The following DAGLA variants were observed in gnomAD, a reference collection of about 807,000 sequenced individuals.
DAGLA encodes diacylglycerol lipase alpha, also known as diacylglycerol lipase-alpha.
In DAGLA, 22 loss-of-function variants were observed where a neutral mutation model predicts 102.6. The ratio of observed to expected loss-of-function variants is 0.21; its 90% CI spans 0.15 to 0.31. The LOEUF (loss-of-function observed/expected upper bound fraction) is 0.31, where lower values mean the gene tolerates loss of function less well. Among genes scored for constraint, DAGLA ranks in the 10% least tolerant of loss-of-function variants. The pLI is 1.00. For synonymous variants in DAGLA, 578 were observed against 628.9 expected (o/e 0.92, Z 1.21); for missense variants, 927 against 1,446.6 (o/e 0.64, Z 5.83).
chr11:61,740,634 C>A (rs1237944966), intron 18 of DAGLA, 42 bp downstream of exon 18: 3 of 1,603,812 alleles, frequency 1.9e-6, no homozygotes, highest in Non-Finnish European at 2.6e-6. Flanking sequence ...GAATAAGGCA[C>A]TGTCACCCCA....
intron 4 of DAGLA, 87 bp downstream of exon 4, chr11:61,723,047 T>C (rs2065297565): frequency 2.7e-6 from 3 of 1,131,444 alleles, no homozygotes; most frequent in Non-Finnish European, 4.0e-6. Context: ...AGCTTGGGCA[T>C]TGCCAGAGGG....
intron 1 of DAGLA, among the ~76,000 whole-genome samples, chr11:61,693,344 CT>C (rs1565246895): frequency 6.7e-6 from 1 of 149,218 alleles, no homozygotes; most frequent in Non-Finnish European, 1.5e-5. Flanking sequence ...AAGTCTTTTT[CT>C]TTTTCTTTCT....
At position 61,743,816 on chromosome 11, in the gene DAGLA, A is replaced by G. The variant is rs755165892; in HGVS notation, c.2456A>G (p.His819Arg). ...GCTGTGCTGGAGCGTGATGAAGGCC[A>G]CCTCTTCTACATTGACCCTGCCATC... ...LHAVLERDEG[H>R]LFYIDPAIPE... The change falls in exon 20 of 20, where the codon CAC becomes CGC. Residue 819 changes from histidine (H) to arginine (R), a missense_variant. By Grantham distance (29) the His-to-Arg change is conservative (BLOSUM62 0). Coordinates refer to ENST00000257215, the MANE Select transcript of DAGLA (RefSeq NM_006133.3). The G allele has an allele frequency of 5.0e-6, 8 of 1,612,268 alleles. No individual in the cohort carries two copies. In the African/African-American group the frequency reaches 1.1e-4, roughly 22 times the overall value.
rs1418608982 is a variant in DAGLA at position 61,737,324 on chromosome 11, G to A, written c.1514G>A (p.Ser505Asn). 3.1e-6 allele frequency: 5 copies of A among 1,610,302 alleles called. No individual in the cohort carries two copies. Among genetic ancestry groups the A allele is most frequent in the Non-Finnish European group, 4.2e-6 (5 of 1,180,014 alleles). ...TACTCCCCGCCAGGGGGCCTGCTGA[G>A]GTGAGCCATCTGGGGCTTCAGAGTT... ...FAYSPPGGLL[S>N]EDAMEYSKEF... The change falls in exon 14 of 20, where the codon AGT becomes AAT. Residue 505 changes from serine to asparagine, a missense_variant and splice_region_variant. Coordinates refer to ENST00000257215, the MANE Select transcript of DAGLA (RefSeq NM_006133.3).
rs183928750 is a variant in DAGLA at position 61,722,416 on chromosome 11, T to C, written c.308-443T>C. On this transcript the variant is annotated intron_variant, in intron 3 of 19. Coordinates refer to ENST00000257215, the MANE Select transcript of DAGLA (RefSeq NM_006133.3). ...GCCTGGCCAACATGACGAAACCCCG[T>C]CTCTACTAAAAATACAAAAATTAGC... is the stretch of plus-strand genomic sequence containing the variant. Among the ~76,000 whole-genome samples the C allele has an allele frequency of 8.0e-3, 1,219 of 152,232 alleles. 21 individuals carry two copies. Among genetic ancestry groups the C allele is most frequent in the African/African-American group, 0.027 (1,136 of 41,538 alleles).
Position 61,744,492 on chromosome 11 carries a change from C to A in DAGLA, c.*3C>A. The A allele has an allele frequency of 6.5e-7, 1 of 1,538,594 alleles. No homozygotes were observed. Among genetic ancestry groups the A allele is most frequent in the Non-Finnish European group, 8.8e-7 (1 of 1,140,830 alleles). On this transcript the variant is annotated 3_prime_UTR_variant, in exon 20 of 20. Coordinates refer to ENST00000257215, the MANE Select transcript of DAGLA (RefSeq NM_006133.3). ...AGCTGGTCATCTCAGCACGCTAGCACCCCAGTTGCGTGGCCAGCCGGGCCC... is the reference window on the plus strand; with the variant it reads ...AGCTGGTCATCTCAGCACGCTAGCAACCCAGTTGCGTGGCCAGCCGGGCCC...
intron 5 of DAGLA, among the ~76,000 whole-genome samples, chr11:61,725,598 C>T (rs1197629151): frequency 6.6e-6 from 1 of 152,214 alleles, no homozygotes; most frequent in African/African-American, 2.4e-5. Context: ...CTGCTGACCT[C>T]CCAGGGTTTG....
At position 61,740,606 on chromosome 11, in the gene DAGLA, C is replaced by T. The variant is rs201525106; in HGVS notation, c.1983+14C>T. 1.1e-5 allele frequency: 18 copies of T among 1,611,996 alleles called. No individual in the cohort carries two copies. The highest frequency in any genetic ancestry group is 8.9e-5 in the East Asian group (4 of 44,836). On this transcript the variant is annotated intron_variant, in intron 18 of 19. Transcript: ENST00000257215. Reference sequence around the variant, plus strand: ...GGGCTCAACAAGGTGAGGCAGCTCCCGGCAGGGTACCACCAGGGAATAAGG... The same window carrying T: ...GGGCTCAACAAGGTGAGGCAGCTCCTGGCAGGGTACCACCAGGGAATAAGG...
At chr11:61,710,798 A>G (rs1240585579) in intron 1 of DAGLA, among the ~76,000 whole-genome samples, 1 of 152,188 alleles carries the variant, frequency 6.6e-6, no homozygotes, top group Admixed American at 6.5e-5. Context: ...CATGGTTACT[A>G]AATCACAATG....
chr11:61,729,031 C>T, intron 8 of DAGLA, 23 bp downstream of exon 8: 2 of 1,601,442 alleles, frequency 1.2e-6, no homozygotes, highest in Admixed American at 1.7e-5. Context: ...TCAACTCTCA[C>T]CCCACCCCGT....
chr11:61,735,115 G>C lies in DAGLA; in HGVS notation c.1128+113G>C, dbSNP rs561651180. On this transcript the variant is annotated intron_variant, in intron 10 of 19. Transcript: ENST00000257215. ...GCCCTTGCTTGGCTGGTGCTGGCTG[G>C]CTGCAGCTTCCAGGCATCCCTAGCT... The C allele has an allele frequency of 2.8e-5, 36 of 1,288,434 alleles. No individual in the cohort carries two copies. In the African/African-American group the frequency reaches 4.4e-4, roughly 16 times the overall value. 79.8% of individuals were successfully genotyped at this position (1,288,434 alleles called of 1,614,324 possible).
At chr11:61,710,428 A>G (rs2065185134) in intron 1 of DAGLA, among the ~76,000 whole-genome samples, 1 of 152,112 alleles carries the variant, frequency 6.6e-6, no homozygotes, top group Non-Finnish European at 1.5e-5. Context: ...CTGAAACTCA[A>G]ACATGCAAGC....
intron 1 of DAGLA, among the ~76,000 whole-genome samples, chr11:61,699,088 T>C (rs758695345): frequency 1.3e-5 from 2 of 152,242 alleles, no homozygotes; most frequent in East Asian, 3.9e-4. Flanking sequence ...TGGCTGCGTA[T>C]GGGTGGGGGC....
chr11:61,718,823 C>T (rs1446850326), intron 1 of DAGLA, among the ~76,000 whole-genome samples: 2 of 152,316 alleles, frequency 1.3e-5, no homozygotes, highest in South Asian at 2.1e-4. Flanking sequence ...GCGGGCCGGG[C>T]GGACATGCGG....
rs2135547395 is a variant in DAGLA at position 61,686,747 on chromosome 11, G to T, written c.-45+6243G>T. Among the ~76,000 whole-genome samples, 1 of 152,316 alleles carries T rather than the reference G, an allele frequency of 6.6e-6. No homozygotes were observed. Among genetic ancestry groups the T allele is most frequent in the East Asian group, 1.9e-4 (1 of 5,184 alleles). ...CATCCTGAATGGGCCCCTCGTCATT[G>T]TCTCTCCTGGAGCCATTTAATTAAT... On this transcript the variant is annotated intron_variant, in intron 1 of 19. Transcript: ENST00000257215. The surrounding 1 kb of genome is among the most constrained non-coding windows in gnomAD (Gnocchi z 5.2).
intron 1 of DAGLA, among the ~76,000 whole-genome samples, chr11:61,683,324 GAC>G (rs1200926732): frequency 2.0e-5 from 3 of 152,208 alleles, no homozygotes; most frequent in Non-Finnish European, 1.5e-5. Context: ...CTGCCACGCA[GAC>G]ACTGTCCAGC....
At chr11:61,732,028 C>T (rs2065379438) in intron 9 of DAGLA, among the ~76,000 whole-genome samples, 1 of 152,214 alleles carries the variant, frequency 6.6e-6, no homozygotes, top group South Asian at 2.1e-4. Flanking sequence ...TGGCCTGCAG[C>T]CTAGCTCTGC....
intron 1 of DAGLA, among the ~76,000 whole-genome samples, chr11:61,713,222 T>C (rs150881868): frequency 6.6e-6 from 1 of 152,272 alleles, no homozygotes; most frequent in East Asian, 1.9e-4. Flanking sequence ...GAGCCAGCTT[T>C]TGAGTTCAGA....
chr11:61,707,637 C>G (rs1254125678), intron 1 of DAGLA, among the ~76,000 whole-genome samples: 1 of 152,252 alleles, frequency 6.6e-6, no homozygotes, highest in Non-Finnish European at 1.5e-5. Flanking sequence ...TTTGCCAGGG[C>G]TGGGGCTGAA....
Sources: allele counts gnomAD v4.1 joint callset (sites outside exome capture counted in the v4.1 genomes callset), GRCh38; gene constraint gnomAD v4.1.1; non-coding constraint Gnocchi (gnomAD v3.1); transcripts MANE v1.5; gene names NCBI Gene and HGNC (gene_info 2026-07-23, HGNC 2026-07-21).